ELAPOR2: variants seen among roughly 807,000 people sequenced by gnomAD.
ELAPOR2 encodes endosome/lysosome-associated apoptosis and autophagy regulator family member 2.
A neutral mutation model predicts 120.7 loss-of-function variants in ELAPOR2; 89 were observed. The observed-to-expected ratio is 0.74, with a 90% CI of 0.62 to 0.88. The LOEUF is 0.88. Among genes scored for constraint, ELAPOR2 ranks in the 40% least tolerant of loss-of-function variants. ELAPOR2 has a pLI of 0.00. For synonymous variants in ELAPOR2, 444 were observed against 444.9 expected (o/e 1.00, Z 0.03); for missense variants, 1,134 against 1,251.6 (o/e 0.91, Z 1.42).
chr7:86,920,443 G>A (rs1013989702), intron 10 of ELAPOR2, among the ~76,000 whole-genome samples: 1 of 152,036 alleles, frequency 6.6e-6, no homozygotes, highest in Non-Finnish European at 1.5e-5. Flanking sequence ...AAAGCAGAAG[G>A]ATATTCCCAC....
At chr7:86,996,674 G>A (rs1321246491) in intron 1 of ELAPOR2, among the ~76,000 whole-genome samples, 1 of 152,182 alleles carries the variant, frequency 6.6e-6, no homozygotes, top group Non-Finnish European at 1.5e-5. Flanking sequence ...CAGAAGTGGA[G>A]GTATGAAAGT....
chr7:86,947,404 C>A (rs930948784), intron 3 of ELAPOR2, among the ~76,000 whole-genome samples: 36 of 151,996 alleles, frequency 2.4e-4, no homozygotes, highest in Admixed American at 2.0e-3. Context: ...AATAAAAAAA[C>A]CTGAAAGTAT....
At chr7:86,968,271 G>A (rs182703940) in intron 1 of ELAPOR2, among the ~76,000 whole-genome samples, 130 of 152,168 alleles carry the variant, frequency 8.5e-4, no homozygotes, top group Non-Finnish European at 1.2e-3. Context: ...CCTTGGAAAC[G>A]GAAATTTTCA....
chr7:86,931,215 G>A (rs1790308595), intron 8 of ELAPOR2, among the ~76,000 whole-genome samples: 1 of 151,792 alleles, frequency 6.6e-6, no homozygotes, highest in African/African-American at 2.4e-5. Flanking sequence ...TAGAGGCAAT[G>A]TTTGAATATG....
chr7:86,891,601 T>C (rs1788161961), intron 21 of ELAPOR2, 123 bp downstream of exon 21: 1 of 716,426 alleles, frequency 1.4e-6, no homozygotes, highest in East Asian at 2.7e-5. Context: ...GTATTTCTGT[T>C]GGATAAATAC....
intron 1 of ELAPOR2, among the ~76,000 whole-genome samples, chr7:87,016,047 T>A (rs1162137982): frequency 6.6e-6 from 1 of 152,148 alleles, no homozygotes; most frequent in Admixed American, 6.5e-5. Context: ...TCCTTTTCTG[T>A]GCTTAGTGAT....
At chr7:87,001,929 A>C (rs2116633581) in intron 1 of ELAPOR2, among the ~76,000 whole-genome samples, 1 of 152,274 alleles carries the variant, frequency 6.6e-6, no homozygotes, top group South Asian at 2.1e-4. Context: ...CAGTTATGAA[A>C]AATGAAGCTC....
chr7:86,963,443 G>A (rs1791791072), intron 2 of ELAPOR2, among the ~76,000 whole-genome samples: 1 of 152,096 alleles, frequency 6.6e-6, no homozygotes, highest in Non-Finnish European at 1.5e-5. Context: ...GATTTGTAGT[G>A]TTTGCCAGTT....
At chr7:87,045,357 C>A (rs1794917613) in intron 1 of ELAPOR2, among the ~76,000 whole-genome samples, 1 of 149,586 alleles carries the variant, frequency 6.7e-6, no homozygotes, top group Admixed American at 6.6e-5. Context: ...TGGAACCAAC[C>A]CAAATGCCCA....
Position 86,892,903 on chromosome 7 carries a change from C to A in ELAPOR2, c.2864+19G>T. ...ATAGGCCCTCTAGCTCTCTTGTGATCATCTCAGAGGGTACTTACTTTTGAT... is the reference window on the plus strand; with the variant it reads ...ATAGGCCCTCTAGCTCTCTTGTGATAATCTCAGAGGGTACTTACTTTTGAT... On this transcript the variant is annotated intron_variant, in intron 20 of 21. Transcript: ENST00000450689. 2 of 1,479,242 alleles carry A rather than the reference C, an allele frequency of 1.4e-6. No individual in the cohort carries two copies. The highest frequency in any genetic ancestry group is 2.6e-5 in the East Asian group (1 of 37,956). The allele number at this position is 1,479,242 out of a possible 1,614,324, so 91.6% of individuals were successfully genotyped here. A position where few individuals can be genotyped will look rare whatever the true frequency, so the allele number is the denominator to read the frequency against.
At chr7:86,885,312 C>G (rs1206065437) in intron 21 of ELAPOR2, among the ~76,000 whole-genome samples, 2 of 152,080 alleles carry the variant, frequency 1.3e-5, no homozygotes, top group Non-Finnish European at 2.9e-5. Flanking sequence ...AAGGGGTCCC[C>G]AAAGCTCAAA....
intron 1 of ELAPOR2, among the ~76,000 whole-genome samples, chr7:86,999,247 G>A (rs1426986063): frequency 6.6e-6 from 1 of 151,906 alleles, no homozygotes; most frequent in Non-Finnish European, 1.5e-5. Flanking sequence ...ACTTAATTTG[G>A]GCAAGGTATT....
intron 1 of ELAPOR2, among the ~76,000 whole-genome samples, chr7:87,026,908 C>A (rs1001373470): frequency 2.0e-5 from 3 of 152,018 alleles, no homozygotes; most frequent in African/African-American, 7.2e-5. Context: ...TCAGGGAGAA[C>A]GGGATACCCA....
chr7:87,025,328 G>A (rs1224243577), intron 1 of ELAPOR2, among the ~76,000 whole-genome samples: 2 of 151,986 alleles, frequency 1.3e-5, no homozygotes, highest in African/African-American at 2.4e-5. Context: ...CTTCAGTCAA[G>A]AGTATCGAAC....
intron 1 of ELAPOR2, among the ~76,000 whole-genome samples, chr7:87,041,004 A>G (rs1794768243): frequency 6.6e-6 from 1 of 152,184 alleles, no homozygotes; most frequent in African/African-American, 2.4e-5. Context: ...ACTGGAAGAA[A>G]GGGTATCAGC....
intron 1 of ELAPOR2, among the ~76,000 whole-genome samples, chr7:87,055,863 C>G (rs139921238): frequency 5.3e-5 from 8 of 152,288 alleles, no homozygotes; most frequent in Admixed American, 2.0e-4. Flanking sequence ...GTTAGCAAAA[C>G]TCATCATTCA....
chr7:86,914,856 A>G lies in ELAPOR2; in HGVS notation c.1598T>C (p.Ile533Thr), dbSNP rs1789491046. 6.2e-7 allele frequency: 1 copy of G among 1,606,272 alleles called. No homozygotes were observed. The highest frequency in any genetic ancestry group is 1.1e-5 in the South Asian group (1 of 89,454). Residue 533 changes from isoleucine (I) to threonine (T), a missense_variant, in exon 13 of 22, where the codon ATT becomes ACT. Ile to Thr is a moderately conservative substitution (Grantham distance 89, BLOSUM62 -1). Coordinates refer to ENST00000450689, the MANE Select transcript of ELAPOR2 (RefSeq NM_001142749.3). ...ADCVLYFMVD[I>T]NRKSTNVVES... ...TACCACATTTGTACTTTTTCTATTA[A>G]TATCCTGAAATATAGTGGAAAAACT...
At chr7:86,904,222 G>C (rs1468930869) in intron 18 of ELAPOR2, among the ~76,000 whole-genome samples, 1 of 151,928 alleles carries the variant, frequency 6.6e-6, no homozygotes, top group East Asian at 1.9e-4. Context: ...TTTTAATAAG[G>C]CCTTTTTATA....
chr7:86,997,291 A>G (rs73386221), intron 1 of ELAPOR2, among the ~76,000 whole-genome samples: 2,706 of 149,014 alleles, frequency 0.018, 95 homozygotes, highest in African/African-American at 0.062. Flanking sequence ...CTTAAATGAA[A>G]GCAGATGCCC....
Sources: allele counts gnomAD v4.1 joint callset (sites outside exome capture counted in the v4.1 genomes callset), GRCh38; gene constraint gnomAD v4.1.1; transcripts MANE v1.5; gene names NCBI Gene and HGNC (gene_info 2026-07-23, HGNC 2026-07-21).